The following DKK2 variants were observed in gnomAD, a reference collection of about 807,000 sequenced individuals.
DKK2 encodes dickkopf Wnt signaling pathway inhibitor 2, also known as dickkopf-related protein 2.
In DKK2, 11 loss-of-function variants were observed where a neutral mutation model predicts 28.1. That is an observed-to-expected ratio of 0.39 (90% CI 0.25 to 0.65). The LOEUF (loss-of-function observed/expected upper bound fraction) is 0.65. Among genes scored for constraint, DKK2 ranks in the 30% least tolerant of loss-of-function variants. DKK2 has a pLI of 0.47. For missense variants in DKK2, 326 were observed against 335.5 expected, an observed-to-expected ratio of 0.97 and a Z score of 0.22; for synonymous variants, 135 against 126.5, an observed-to-expected ratio of 1.07 and a Z score of -0.45.
chr4:106,999,904 A>G (rs1007821575), intron 1 of DKK2, among the ~76,000 whole-genome samples: 29 of 152,344 alleles, frequency 1.9e-4, no homozygotes, highest in African/African-American at 6.5e-4. Flanking sequence ...TGGTAGAAAT[A>G]AATGCTTGTG....
In DKK2 at chr4:106,974,558, A is replaced by G. The variant is rs145661236; in HGVS notation, c.223-48609T>C. Among the ~76,000 whole-genome samples, 888 of 152,228 alleles carry G rather than the reference A, an allele frequency of 5.8e-3. 12 individuals are homozygous for G. Among genetic ancestry groups the G allele is most frequent in the African/African-American group, 0.02 (846 of 41,536 alleles). On this transcript the variant is annotated intron_variant, in intron 1 of 3. Coordinates refer to ENST00000285311, the MANE Select transcript of DKK2 (RefSeq NM_014421.3). ...CTCTCTATTTGTTTGTTATTGGTGT[A>G]TAGGAATGCTTGTGATTTTCGCACA...
At chr4:106,949,692 TAGTC>T (rs150549392) in intron 1 of DKK2, among the ~76,000 whole-genome samples, 1,716 of 152,302 alleles carry the variant, frequency 0.011, 30 homozygotes, top group African/African-American at 0.039. Context: ...CAGCTTTAAA[TAGTC>T]AGTTTTGGGT....
At chr4:106,988,869 A>G (rs1432790106) in intron 1 of DKK2, among the ~76,000 whole-genome samples, 4 of 152,138 alleles carry the variant, frequency 2.6e-5, no homozygotes, top group African/African-American at 9.7e-5. Flanking sequence ...CTCTGTTTTC[A>G]TCCTTTTTCA....
chr4:107,015,545 T>C (rs184057117), intron 1 of DKK2, among the ~76,000 whole-genome samples: 223 of 151,896 alleles, frequency 1.5e-3, no homozygotes, highest in African/African-American at 4.9e-3. Context: ...TCATAGTACA[T>C]TGGATAAACT....
At chr4:106,941,305 C>T (rs1054751363) in intron 1 of DKK2, among the ~76,000 whole-genome samples, 1 of 151,978 alleles carries the variant, frequency 6.6e-6, no homozygotes, top group Non-Finnish European at 1.5e-5. Flanking sequence ...TATAGAAGGA[C>T]TTAGATGCAA....
intron 1 of DKK2, among the ~76,000 whole-genome samples, chr4:107,032,624 T>C (rs994612127): frequency 6.6e-6 from 1 of 152,248 alleles, no homozygotes; most frequent in South Asian, 2.1e-4. Flanking sequence ...CACCAAGGAC[T>C]GAGTTTCCAA....
intron 1 of DKK2, among the ~76,000 whole-genome samples, chr4:106,953,424 TCTG>T (rs560625736): frequency 9.8e-4 from 149 of 152,298 alleles, no homozygotes; most frequent in Middle Eastern, 3.4e-3. Context: ...TCCCAGCAGT[TCTG>T]CTCTACATAA....
chr4:106,942,804 T>TATC (rs1484953149), intron 1 of DKK2, among the ~76,000 whole-genome samples: 1 of 152,130 alleles, frequency 6.6e-6, no homozygotes, highest in Non-Finnish European at 1.5e-5. Flanking sequence ...CAGTGAAGTG[T>TATC]ATCTGGAACT....
chr4:107,014,306 A>G (rs1251686584), intron 1 of DKK2, among the ~76,000 whole-genome samples: 1 of 151,628 alleles, frequency 6.6e-6, no homozygotes, highest in Non-Finnish European at 1.5e-5. Flanking sequence ...CTATTGAGCT[A>G]TATAAAGGAA....
At chr4:106,965,827 T>G (rs1722772486) in intron 1 of DKK2, among the ~76,000 whole-genome samples, 1 of 144,660 alleles carries the variant, frequency 6.9e-6, no homozygotes, top group Admixed American at 7.2e-5. Context: ...TTCCCACCTA[T>G]GAGTGAGAAT....
chr4:106,957,738 C>T (rs1336453066), intron 1 of DKK2, among the ~76,000 whole-genome samples: 20 of 109,518 alleles, frequency 1.8e-4, no homozygotes, highest in Non-Finnish European at 3.1e-4. Context: ...GAACATCACA[C>T]TCTGGGGACT....
intron 1 of DKK2, among the ~76,000 whole-genome samples, chr4:106,980,196 T>C (rs545056866): frequency 6.6e-6 from 1 of 152,270 alleles, no homozygotes; most frequent in South Asian, 2.1e-4. Context: ...ACTCAGTACA[T>C]CTGAAGCACT....
At chr4:106,976,862 T>C (rs1401505355) in intron 1 of DKK2, among the ~76,000 whole-genome samples, 2 of 152,224 alleles carry the variant, frequency 1.3e-5, no homozygotes, top group African/African-American at 4.8e-5. Context: ...GGTATGTTTT[T>C]GTAGTGGCTT....
chr4:106,998,486 C>T, intron 1 of DKK2, among the ~76,000 whole-genome samples: 1 of 152,032 alleles, frequency 6.6e-6, no homozygotes, highest in East Asian at 1.9e-4. Context: ...AAATGAATGC[C>T]AACAAGTAGT....
intron 1 of DKK2, among the ~76,000 whole-genome samples, chr4:106,956,796 A>G (rs1453502582): frequency 6.6e-6 from 1 of 151,380 alleles, no homozygotes; most frequent in Non-Finnish European, 1.5e-5. Context: ...AACCATAAAA[A>G]CCCTAGAAGA....
At chr4:106,924,320 A>G in intron 3 of DKK2, 116 bp from the exon 4 acceptor site, 1 of 1,398,754 alleles carries the variant, frequency 7.1e-7, no homozygotes, top group Non-Finnish European at 9.5e-7. Context: ...TGTTGTTACC[A>G]TTTATAATGA....
intron 1 of DKK2, among the ~76,000 whole-genome samples, chr4:106,971,849 C>G (rs58784196): frequency 0.17 from 25,518 of 151,966 alleles, 2,593 homozygotes; most frequent in East Asian, 0.42. Context: ...GGAGTAAATA[C>G]TCATTAGAGG....
rs1276198892 is a variant in DKK2, at chr4:106,923,373, T to G, written c.*581A>C. 2 of 152,250 alleles carry G rather than the reference T, an allele frequency of 1.3e-5. No individual in the cohort carries two copies. The highest frequency in any genetic ancestry group is 3.8e-4 in the East Asian group (2 of 5,206). 9.4% of individuals were successfully genotyped at this position (152,250 alleles called of 1,614,324 possible). A position where few individuals can be genotyped will look rare whatever the true frequency, so the allele number is the denominator to read the frequency against. ...TTATTTTGCAATTATTTGGAAATAT[T>G]GACTGATTTTTTTCTTATCTACCAA... On this transcript the variant is annotated 3_prime_UTR_variant, in exon 4 of 4. Transcript: ENST00000285311.
intron 1 of DKK2, among the ~76,000 whole-genome samples, chr4:106,962,861 A>G (rs548765100): frequency 6.6e-6 from 1 of 152,230 alleles, no homozygotes; most frequent in Non-Finnish European, 1.5e-5. Context: ...TGCACCTCAG[A>G]TAAAGGATTA....
Sources: gnomAD v4.1 joint callset for allele counts (sites outside exome capture counted in the v4.1 genomes callset) on GRCh38, gnomAD v4.1.1 for gene constraint, MANE v1.5 for transcripts, NCBI Gene and HGNC (gene_info 2026-07-23, HGNC 2026-07-21) for gene names.